Variants in ANKRD31 observed in about 807,000 individuals in gnomAD.
The protein encoded by ANKRD31 is ankyrin repeat domain-containing protein 31.
ANKRD31 carries 147 observed loss-of-function variants against 186.0 expected under a neutral mutation model. That is an observed-to-expected ratio of 0.79 (90% CI 0.69 to 0.91). The LOEUF is 0.91. Ranked by LOEUF, ANKRD31 falls within the 40% of genes least tolerant of loss-of-function variation. ANKRD31 has a pLI of 0.00. For missense variants in ANKRD31, 1,986 were observed against 2,148.8 expected (o/e 0.92, Z 1.50); for synonymous variants, 673 against 736.4 (o/e 0.91, Z 1.39).
intron 7 of ANKRD31, 73 bp downstream of exon 7, chr5:75,195,558 G>A: frequency 7.8e-7 from 1 of 1,274,058 alleles, no homozygotes; most frequent in Non-Finnish European, 1.1e-6. Context: ...ACTGAAAGAT[G>A]CTTGTCCTAT....
At chr5:75,144,889 A>C (rs1369289461) in intron 14 of ANKRD31, among the ~76,000 whole-genome samples, 1 of 152,332 alleles carries the variant, frequency 6.6e-6, no homozygotes, top group South Asian at 2.1e-4. Context: ...GAACAAATTT[A>C]CAAGAAAAAA....
chr5:75,182,986 T>C (rs1259491138), intron 10 of ANKRD31, among the ~76,000 whole-genome samples: 7 of 152,126 alleles, frequency 4.6e-5, no homozygotes, highest in Non-Finnish European at 1.0e-4. Context: ...ATACCCCTGA[T>C]GAACACAGGG....
At chr5:75,166,420 G>A (rs952959847) in intron 11 of ANKRD31, among the ~76,000 whole-genome samples, 7 of 152,114 alleles carry the variant, frequency 4.6e-5, no homozygotes, top group African/African-American at 1.4e-4. Flanking sequence ...GCAGTGAACC[G>A]AGATCACGCC....
intron 10 of ANKRD31, 37 bp from the exon 11 acceptor site, chr5:75,169,158 G>T: frequency 6.6e-7 from 1 of 1,521,932 alleles, no homozygotes; most frequent in Non-Finnish European, 8.8e-7. Flanking sequence ...GTTTACATTT[G>T]GCATCTTAAT....
chr5:75,175,646 A>AACACAC (rs10532266), intron 10 of ANKRD31, among the ~76,000 whole-genome samples: 8,213 of 147,602 alleles, frequency 0.056, 258 homozygotes, highest in South Asian at 0.12. Context: ...TACCTCAGAA[A>AACACAC]ACACACACAC....
At chr5:75,085,613 G>A (rs780704726) in intron 23 of ANKRD31, among the ~76,000 whole-genome samples, 54 of 152,068 alleles carry the variant, frequency 3.6e-4, no homozygotes, top group Non-Finnish European at 6.2e-4. Context: ...TGTTGGCCAG[G>A]GTGGTCTCGA....
chr5:75,196,266 T>A, intron 6 of ANKRD31, 66 bp from the exon 7 acceptor site: 2 of 1,176,492 alleles, frequency 1.7e-6, no homozygotes, highest in Non-Finnish European at 2.2e-6. Flanking sequence ...AATGAAAACT[T>A]TATAGTTTTA....
intron 3 of ANKRD31, among the ~76,000 whole-genome samples, chr5:75,214,749 T>C (rs1236363596): frequency 1.3e-5 from 2 of 152,200 alleles, no homozygotes; most frequent in Non-Finnish European, 2.9e-5. Flanking sequence ...ATTCAAGTTG[T>C]ATTCACAACT....
intron 22 of ANKRD31, among the ~76,000 whole-genome samples, chr5:75,092,120 A>G (rs1745968759): frequency 6.6e-6 from 1 of 152,176 alleles, no homozygotes; most frequent in South Asian, 2.1e-4. Flanking sequence ...CTTAGAACAG[A>G]TAGCTCCTAA....
intron 24 of ANKRD31, among the ~76,000 whole-genome samples, chr5:75,082,851 C>T (rs1329388163): frequency 6.6e-6 from 1 of 152,092 alleles, no homozygotes; most frequent in Non-Finnish European, 1.5e-5. Context: ...ATAAAACAAA[C>T]AGAAAATAAC....
At chr5:75,083,825 G>T (rs1180160555) in intron 24 of ANKRD31, among the ~76,000 whole-genome samples, 2 of 152,098 alleles carry the variant, frequency 1.3e-5, no homozygotes, top group Non-Finnish European at 2.9e-5. Context: ...ATATTATTCA[G>T]TCACAAAAAG....
chr5:75,144,891 A>G (rs748440572), intron 14 of ANKRD31, among the ~76,000 whole-genome samples: 8 of 152,198 alleles, frequency 5.3e-5, no homozygotes, highest in Non-Finnish European at 1.2e-4. Context: ...ACAAATTTAC[A>G]AGAAAAAAAC....
chr5:75,196,891 C>G (rs1368019342), intron 6 of ANKRD31, among the ~76,000 whole-genome samples: 2 of 151,840 alleles, frequency 1.3e-5, no homozygotes, highest in African/African-American at 4.8e-5. Flanking sequence ...TTCTTTTTTT[C>G]TTTTCTTTCC....
chr5:75,170,757 T>C lies in ANKRD31; in HGVS notation c.1565-1636A>G, dbSNP rs1457172022. Among the ~76,000 whole-genome samples the C allele has an allele frequency of 3.3e-5, 5 of 151,984 alleles. No individual in the cohort carries two copies. In the East Asian group the frequency reaches 5.8e-4, roughly 18 times the overall value. The stretch of plus-strand genomic sequence containing the variant: ...CACAGATAGGTTGAAAATAAAAGGA[T>C]AGAAAAAGATACAGTAAAAGGATAG... On this transcript the variant is annotated intron_variant, in intron 10 of 25. Coordinates refer to ENST00000506364, the MANE Select transcript of ANKRD31 (RefSeq NM_001372053.1).
intron 10 of ANKRD31, among the ~76,000 whole-genome samples, chr5:75,170,793 C>T (rs1214186941): frequency 1.3e-5 from 2 of 151,852 alleles, no homozygotes; most frequent in African/African-American, 2.4e-5. Context: ...AAAAACATAT[C>T]GTAAATAAGC....
chr5:75,213,549 G>A (rs1756781850), intron 3 of ANKRD31, among the ~76,000 whole-genome samples: 1 of 152,178 alleles, frequency 6.6e-6, no homozygotes, highest in African/African-American at 2.4e-5. Context: ...CTGTTAATTT[G>A]TTAATGAACA....
intron 24 of ANKRD31, 93 bp from the exon 25 acceptor site, chr5:75,080,732 T>C (rs1030042385): frequency 4.7e-6 from 3 of 643,944 alleles, no homozygotes; most frequent in Admixed American, 3.6e-5. Flanking sequence ...CGATGGGAAA[T>C]ACAAATAGCT....
intron 25 of ANKRD31, among the ~76,000 whole-genome samples, chr5:75,076,776 T>A (rs1050718870): frequency 1.6e-4 from 24 of 152,172 alleles, no homozygotes; most frequent in African/African-American, 4.6e-4. Context: ...GAACAAAAGA[T>A]GCCTATATCA....
chr5:75,155,501 G>C (rs1752105771), intron 11 of ANKRD31, among the ~76,000 whole-genome samples: 2 of 152,100 alleles, frequency 1.3e-5, no homozygotes, highest in Admixed American at 1.3e-4. Flanking sequence ...GAATGTTTAA[G>C]TTGCTTCGAA....
Sources: allele counts gnomAD v4.1 joint callset (sites outside exome capture counted in the v4.1 genomes callset), GRCh38; gene constraint gnomAD v4.1.1; transcripts MANE v1.5; gene names NCBI Gene and HGNC (gene_info 2026-07-23, HGNC 2026-07-21).